NDUFS2: variants seen among roughly 807,000 people sequenced by gnomAD.
The protein encoded by NDUFS2 is NADH:ubiquinone oxidoreductase core subunit S2.
A neutral mutation model predicts 69.6 loss-of-function variants in NDUFS2; 38 were observed. The observed-to-expected ratio is 0.55, with a 90% CI of 0.42 to 0.72. The LOEUF is 0.72. Ranked by LOEUF, NDUFS2 falls within the 30% of genes least tolerant of loss-of-function variation. NDUFS2 has a pLI of 0.00. For missense variants in NDUFS2, 468 were observed against 595.0 expected (o/e 0.79, Z 2.22); for synonymous variants, 194 against 211.2 (o/e 0.92, Z 0.70).
chr1:161,206,181 A>G (rs757695661), intron 2 of NDUFS2, among the ~76,000 whole-genome samples: 21 of 152,154 alleles, frequency 1.4e-4, no homozygotes, highest in Non-Finnish European at 2.4e-4. Flanking sequence ...AAAAAAAGGT[A>G]TTCTAGGAGA....
chr1:161,200,716 C>G (rs1665079285), upstream of NDUFS2, among the ~76,000 whole-genome samples: 1 of 152,082 alleles, frequency 6.6e-6, no homozygotes, highest in African/African-American at 2.4e-5. Flanking sequence ...AGGAGTCGGA[C>G]AAAGGGTGGG....
At position 161,206,509 on chromosome 1, in the gene NDUFS2, G is replaced by T; in HGVS notation, c.305G>T (p.Ser102Ile). 6.2e-7 allele frequency: 1 copy of T among 1,614,258 alleles called. No homozygotes were observed. ...GTCCTGCGACTAGTGATGGAATTGA[G>T]TGGGGAGATGGTGCGGAAGTGTGAT... is the stretch of plus-strand genomic sequence containing the variant. ...HGVLRLVMEL[S>I]GEMVRKCDPH... Residue 102 changes from serine to isoleucine, a missense_variant, in exon 3 of 14, where the codon AGT becomes ATT. By Grantham distance (142) the Ser-to-Ile change is moderately radical. Around this residue, in one of 3 missense-constraint regions of NDUFS2, gnomAD observed 339 missense variants for 433.8 expected, o/e 0.78. Transcript: ENST00000676972.
chr1:161,209,695 G>A, intron 5 of NDUFS2, 100 bp downstream of exon 5: 1 of 1,245,822 alleles, frequency 8.0e-7, no homozygotes, highest in Non-Finnish European at 1.1e-6. Flanking sequence ...GAACATGGGA[G>A]AACATTTAGA....
chr1:161,198,263 G>C (rs1234456294), upstream of NDUFS2: 5 of 1,613,846 alleles, frequency 3.1e-6, no homozygotes, highest in African/African-American at 6.7e-5. The surrounding 1 kb of genome is among the most constrained non-coding windows in gnomAD (Gnocchi z 4.7). Context: ...GCCAGGCTCT[G>C]CTCCACCCAG....
intron 3 of NDUFS2, among the ~76,000 whole-genome samples, chr1:161,207,721 T>A (rs534381818): frequency 6.7e-4 from 99 of 148,286 alleles, no homozygotes; most frequent in Admixed American, 1.7e-3. Context: ...AGAGCAAGAC[T>A]GTGTCTCAAA....
Position 161,210,405 on chromosome 1 carries a change from C to A in NDUFS2, c.866+16C>A. The A allele has an allele frequency of 6.2e-7, 1 of 1,610,260 alleles. No individual in the cohort carries two copies. The highest frequency in any genetic ancestry group is 8.5e-7 in the Non-Finnish European group (1 of 1,176,548). On this transcript the variant is annotated intron_variant, in intron 8 of 13. Coordinates refer to ENST00000676972, the MANE Select transcript of NDUFS2 (RefSeq NM_001377299.1). ...ATGGTTTTAGGTGAGGGGAATACAA[C>A]TTCTCTCCGTAGGAGTGGGGGTGGG...
At position 161,202,426 on chromosome 1, in the gene NDUFS2, C is replaced by G. The variant is rs1319813539; in HGVS notation, c.41C>G (p.Ala14Gly). The G allele has an allele frequency of 1.2e-6, 2 of 1,612,858 alleles. No homozygotes were observed. The highest frequency in any genetic ancestry group is 1.7e-6 in the Non-Finnish European group (2 of 1,179,710). ...LRALCGFRGV[A>G]AQVLRPGAGV... ...GCTTTGTGCGGCTTCCGGGGCGTCG[C>G]GGCCCAGGTGCTGCGGCCTGGGGCT... The change falls in exon 1 of 14, where the codon GCG becomes GGG. Residue 14 changes from alanine (A) to glycine (G), a missense_variant. Physicochemically the swap from Ala to Gly is moderately conservative, Grantham distance 60 (BLOSUM62 0). This residue lies in a region of NDUFS2 where 57 missense variants were observed against 42.3 expected (regional missense o/e 1.35). Transcript: ENST00000676972.
chr1:161,210,658 G>A lies in NDUFS2; in HGVS notation c.934G>A (p.Asp312Asn), dbSNP rs1482687384. The A allele has an allele frequency of 1.1e-5, 18 of 1,613,944 alleles. No individual in the cohort carries two copies. Among genetic ancestry groups the A allele is most frequent in the East Asian group, 2.2e-5 (1 of 44,886 alleles). The change falls in exon 9 of 14, where the codon GAC (aspartate) becomes AAC (asparagine). Residue 312 changes from aspartate to asparagine, a missense_variant. Physicochemically the swap from Asp to Asn is conservative, Grantham distance 23 (BLOSUM62 1). Coordinates refer to ENST00000676972, the MANE Select transcript of NDUFS2 (RefSeq NM_001377299.1). ...LRKTQPYDVY[D>N]QVEFDVPVGS... ...GAAGACCCAGCCCTATGATGTTTAC[G>A]ACCAGGTTGAGTTTGATGTTCCTGT...
chr1:161,213,490 G>A lies in NDUFS2; in HGVS notation c.1212+15G>A. The A allele has an allele frequency of 6.3e-7, 1 of 1,597,858 alleles. No homozygotes were observed. Among genetic ancestry groups the A allele is most frequent in the Non-Finnish European group, 8.6e-7 (1 of 1,166,542 alleles). The stretch of plus-strand genomic sequence containing the variant: ...AGGCTCCCAAGGTAAGGAGAGGAGG[G>A]GAAGGAAAAGACCATATGTAGAGTA... On this transcript the variant is annotated intron_variant, in intron 11 of 13. Transcript: ENST00000676972.
At position 161,203,393 on chromosome 1, in the gene NDUFS2, C is replaced by A. The variant is rs373411382; in HGVS notation, c.96-44C>A. Reference sequence around the variant, plus strand: ...AGTGAATGGGAACACAGGAACCAAACACTGTTCAGGCCCTTTGTCTAGGAT... The same window carrying A: ...AGTGAATGGGAACACAGGAACCAAAAACTGTTCAGGCCCTTTGTCTAGGAT... On this transcript the variant is annotated intron_variant, in intron 1 of 13. Coordinates refer to ENST00000676972, the MANE Select transcript of NDUFS2 (RefSeq NM_001377299.1). 95 of 1,527,010 alleles carry A rather than the reference C, an allele frequency of 6.2e-5. No individual in the cohort carries two copies. In the African/African-American group the frequency reaches 1.2e-3, roughly 19 times the overall value. 94.6% of individuals were successfully genotyped at this position (1,527,010 alleles called of 1,614,324 possible). A position where few individuals can be genotyped will look rare whatever the true frequency, so the allele number is the denominator to read the frequency against.
Position 161,210,344 on chromosome 1 carries a change from A to C in NDUFS2, c.821A>C (p.Asp274Ala). The change falls in exon 8 of 14, where the codon GAC (aspartate) becomes GCC (alanine). Residue 274 changes from aspartate to alanine, a missense_variant. Physicochemically the swap from Asp to Ala is moderately radical, Grantham distance 126 (BLOSUM62 -2). This residue lies in a region of NDUFS2 where 339 missense variants were observed against 433.8 expected (regional missense o/e 0.78). Transcript: ENST00000676972. The stretch of plus-strand genomic sequence containing the variant: ...AGGATCTGGCGAAATCGGACAATTG[A>C]CATTGGGGTTGTAACAGCAGAAGAA... ...NNRIWRNRTI[D>A]IGVVTAEEAL... The C allele has an allele frequency of 6.2e-7, 1 of 1,614,046 alleles. No individual in the cohort carries two copies. The highest frequency in any genetic ancestry group is 8.5e-7 in the Non-Finnish European group (1 of 1,180,004).
chr1:161,205,072 C>G (rs1571605747), intron 2 of NDUFS2, among the ~76,000 whole-genome samples: 1 of 151,624 alleles, frequency 6.6e-6, no homozygotes, highest in East Asian at 1.9e-4. Context: ...AGGTTAAGGA[C>G]ACACAGGCAG....
At chr1:161,211,682 TCTC>T (rs1031357370) in intron 9 of NDUFS2, among the ~76,000 whole-genome samples, 3 of 151,708 alleles carry the variant, frequency 2.0e-5, no homozygotes, top group African/African-American at 4.8e-5. Flanking sequence ...AAAAACAAAT[TCTC>T]CTCCTGTTTT....
At chr1:161,200,740 C>T (rs549785008), upstream of NDUFS2, among the ~76,000 whole-genome samples, 2 of 152,254 alleles carry the variant, frequency 1.3e-5, no homozygotes, top group East Asian at 3.9e-4. Flanking sequence ...CCAGAAGGGG[C>T]AGGGGCAAGA....
chr1:161,210,404 A>G lies in NDUFS2; in HGVS notation c.866+15A>G, dbSNP rs1190838008. The G allele has an allele frequency of 1.2e-6, 2 of 1,610,076 alleles. No homozygotes were observed. The highest frequency in any genetic ancestry group is 1.7e-6 in the Non-Finnish European group (2 of 1,176,364). Reference sequence around the variant, plus strand: ...TATGGTTTTAGGTGAGGGGAATACAACTTCTCTCCGTAGGAGTGGGGGTGG... The same window carrying G: ...TATGGTTTTAGGTGAGGGGAATACAGCTTCTCTCCGTAGGAGTGGGGGTGG... On this transcript the variant is annotated intron_variant, in intron 8 of 13. Coordinates refer to ENST00000676972, the MANE Select transcript of NDUFS2 (RefSeq NM_001377299.1).
intron 1 of NDUFS2, 86 bp from the exon 2 acceptor site, chr1:161,203,351 T>A (rs1665265487): frequency 8.5e-7 from 1 of 1,177,098 alleles, no homozygotes; most frequent in Non-Finnish European, 1.3e-6. Context: ...AGGTCATCCT[T>A]CCTGGGTCCC....
In NDUFS2 at chr1:161,209,536, C is replaced by T; in HGVS notation, c.568C>T (p.His190Tyr). 2 of 1,613,840 alleles carry T rather than the reference C, an allele frequency of 1.2e-6. No homozygotes were observed. Among genetic ancestry groups the T allele is most frequent in the Non-Finnish European group, 1.7e-6 (2 of 1,180,032 alleles). ...LLNHIMAVTT[H>Y]ALDLGAMTPF... ...GAACCACATCATGGCTGTGACCACA[C>T]ATGCCCTGGACCTTGGGGCCATGAC... Residue 190 changes from histidine (H) to tyrosine (Y), a missense_variant, in exon 5 of 14, where the codon CAT (histidine) becomes TAT (tyrosine). Coordinates refer to ENST00000676972, the MANE Select transcript of NDUFS2 (RefSeq NM_001377299.1).
At chr1:161,208,744 T>C (rs768949100) in intron 3 of NDUFS2, among the ~76,000 whole-genome samples, 6 of 152,236 alleles carry the variant, frequency 3.9e-5, no homozygotes, top group Non-Finnish European at 8.8e-5. Flanking sequence ...TTTAATACAT[T>C]ATATTAAAAG....
Position 161,213,401 on chromosome 1 carries a change from C to G in NDUFS2, c.1138C>G (p.His380Asp), listed in dbSNP as rs144411579. The change falls in exon 11 of 14, where the codon CAT (histidine) becomes GAT (aspartate). Residue 380 changes from histidine (H) to aspartate (D), a missense_variant. Around this residue, in one of 3 missense-constraint regions of NDUFS2, gnomAD observed 72 missense variants for 118.9 expected, o/e 0.61. Coordinates refer to ENST00000676972, the MANE Select transcript of NDUFS2 (RefSeq NM_001377299.1). Reference protein sequence around the residue: ...EMKTSMESLIHHFKLYTEGYQ... With the variant: ...EMKTSMESLIDHFKLYTEGYQ... ...TCAGACTTCCATGGAGTCACTGATT[C>G]ATCACTTTAAGTTGTATACTGAGGG... is the stretch of plus-strand genomic sequence containing the variant. The G allele has an allele frequency of 8.7e-4, 1,395 of 1,610,224 alleles. 4 individuals are homozygous for G. The highest frequency in any genetic ancestry group is 1.1e-3 in the Non-Finnish European group (1,340 of 1,177,812).
Sources: allele counts gnomAD v4.1 joint callset (sites outside exome capture counted in the v4.1 genomes callset), GRCh38; gene constraint gnomAD v4.1.1; regional missense constraint gnomAD v4.1.1; non-coding constraint Gnocchi (gnomAD v3.1); transcripts MANE v1.5; gene names NCBI Gene and HGNC (gene_info 2026-07-23, HGNC 2026-07-21).